ZNF423: variants seen among roughly 807,000 people sequenced by gnomAD.
ZNF423 encodes the protein Ebf-associated zinc finger protein.
In ZNF423, 12 loss-of-function variants were observed where a neutral mutation model predicts 95.8. The ratio of observed to expected loss-of-function variants is 0.13; its 90% CI spans 0.08 to 0.20. The LOEUF (loss-of-function observed/expected upper bound fraction) is 0.20. Ranked by LOEUF, ZNF423 falls within the 10% of genes least tolerant of loss-of-function variation. The probability of loss-of-function intolerance (pLI) is 1.00; values close to 1 mark genes in which losing one functional copy is unlikely to be tolerated. For missense variants in ZNF423, 1,316 were observed against 1,737.1 expected (o/e 0.76, Z 4.31); for synonymous variants, 749 against 711.9 (o/e 1.05, Z -0.83).
intron 3 of ZNF423, among the ~76,000 whole-genome samples, chr16:49,688,201 GC>G (rs904011904): frequency 2.6e-5 from 4 of 152,012 alleles, no homozygotes; most frequent in African/African-American, 7.2e-5. Context: ...AAAAAGGATT[GC>G]CCAGGGACCG....
chr16:49,524,310 G>A (rs1001290015), intron 6 of ZNF423, among the ~76,000 whole-genome samples: 13 of 152,332 alleles, frequency 8.5e-5, no homozygotes, highest in South Asian at 2.1e-4. Context: ...TGTACAAGAA[G>A]TTGCTCAACC....
intron 1 of ZNF423, among the ~76,000 whole-genome samples, chr16:49,801,724 T>A (rs755992620): frequency 6.6e-6 from 1 of 152,246 alleles, no homozygotes; most frequent in Non-Finnish European, 1.5e-5. Flanking sequence ...CAAATGACTT[T>A]GATGCGTGCT....
intron 5 of ZNF423, among the ~76,000 whole-genome samples, chr16:49,609,748 G>A (rs930382357): frequency 6.6e-6 from 1 of 151,772 alleles, no homozygotes; most frequent in Non-Finnish European, 1.5e-5. Context: ...AAAAAAAAAA[G>A]AGGGCAGGAT....
chr16:49,781,526 C>T (rs558583909), intron 2 of ZNF423, among the ~76,000 whole-genome samples: 8 of 152,238 alleles, frequency 5.3e-5, no homozygotes, highest in East Asian at 1.9e-4. Context: ...AGTGCAGAAG[C>T]GCAGGGGTGT....
intron 2 of ZNF423, among the ~76,000 whole-genome samples, chr16:49,762,495 T>C (rs548583508): frequency 6.6e-6 from 1 of 152,340 alleles, no homozygotes; most frequent in Non-Finnish European, 1.5e-5. Flanking sequence ...GGAATGACCA[T>C]GTCTGTGTCT....
chr16:49,666,800 C>T (rs1024886899), intron 3 of ZNF423, among the ~76,000 whole-genome samples: 2 of 152,138 alleles, frequency 1.3e-5, no homozygotes, highest in Non-Finnish European at 2.9e-5. Context: ...AGTTTCTCTA[C>T]GCAACTTGCC....
intron 5 of ZNF423, among the ~76,000 whole-genome samples, chr16:49,596,350 C>A (rs72622233): frequency 0.065 from 9,828 of 152,106 alleles, 540 homozygotes; most frequent in East Asian, 0.27. Flanking sequence ...CCCTGGACAG[C>A]CGGAGTAGAT....
rs193199873 is a variant in ZNF423, at chr16:49,691,559, C to T, written c.301+39212G>A. ...CATCCTGGGTAACATGGTGAAACCC[C>T]GTCTCTACTAAACATACAAAAAATT... On this transcript the variant is annotated intron_variant, in intron 3 of 7. Transcript: ENST00000563137. Among the ~76,000 whole-genome samples the T allele has an allele frequency of 3.3e-5, 5 of 152,144 alleles. No homozygotes were observed. The East Asian group carries it at 9.7e-4, about 30-fold the overall frequency.
intron 1 of ZNF423, chr16:49,854,454 G>A (rs2144135727): frequency 1.0e-6 from 1 of 985,448 alleles, no homozygotes; most frequent in Non-Finnish European, 1.2e-6. Flanking sequence ...GGGCCCCAGC[G>A]CCTTCCCGCG....
intron 1 of ZNF423, among the ~76,000 whole-genome samples, chr16:49,848,758 A>G (rs1048938744): frequency 2.6e-5 from 4 of 152,190 alleles, no homozygotes; most frequent in African/African-American, 4.8e-5. Context: ...GTGGTTCATA[A>G]TAATAACTTC....
chr16:49,629,792 G>A (rs1357751559), intron 4 of ZNF423, among the ~76,000 whole-genome samples: 2 of 152,196 alleles, frequency 1.3e-5, no homozygotes, highest in African/African-American at 4.8e-5. Context: ...GTCTATTCAG[G>A]CAGAGGTGAC....
chr16:49,522,870 C>G (rs532241275), intron 7 of ZNF423, among the ~76,000 whole-genome samples: 1 of 152,264 alleles, frequency 6.6e-6, no homozygotes, highest in East Asian at 1.9e-4. Flanking sequence ...CATGTGATCT[C>G]TCCAGTGTTG....
rs377512551 is a variant in ZNF423, at chr16:49,492,664, G to A, written c.3850-1360C>T. ...CTGCCTCCCAGCAGATGCCCACAGCGCCAAGCGACAGCCTCGTGCTCATGC... is the reference window on the plus strand; with the variant it reads ...CTGCCTCCCAGCAGATGCCCACAGCACCAAGCGACAGCCTCGTGCTCATGC... On this transcript the variant is annotated intron_variant, in intron 7 of 7. Coordinates refer to ENST00000563137, the MANE Select transcript of ZNF423 (RefSeq NM_001379286.1). This position sits in a 1 kb window ranked among gnomAD's most constrained non-coding sequence, Gnocchi z 4.2. 6.6e-6 allele frequency among the ~76,000 whole-genome samples: 1 copy of A among 152,230 alleles called. No homozygotes were observed. Among genetic ancestry groups the A allele is most frequent in the African/African-American group, 2.4e-5 (1 of 41,462 alleles).
At chr16:49,755,013 G>A (rs904795545) in intron 2 of ZNF423, among the ~76,000 whole-genome samples, 2 of 152,160 alleles carry the variant, frequency 1.3e-5, no homozygotes, top group Admixed American at 6.5e-5. Flanking sequence ...CCGCCGGTGC[G>A]GCTATCTTCC....
At chr16:49,643,455 C>T (rs747614649) in intron 3 of ZNF423, among the ~76,000 whole-genome samples, 1 of 152,110 alleles carries the variant, frequency 6.6e-6, no homozygotes, top group Non-Finnish European at 1.5e-5. Flanking sequence ...GACTGAGTGA[C>T]TTGCCCAGTG....
intron 7 of ZNF423, among the ~76,000 whole-genome samples, chr16:49,500,744 G>GAA (rs34335955): frequency 7.0e-6 from 1 of 142,942 alleles, no homozygotes; most frequent in African/African-American, 2.6e-5. Flanking sequence ...CCATCTCTAC[G>GAA]AAAAAAAAAA....
In ZNF423 at chr16:49,638,516, G is replaced by A. The variant is rs762682481; in HGVS notation, c.660C>T (p.His220=). The A allele has an allele frequency of 1.2e-6, 2 of 1,613,876 alleles. No individual in the cohort carries two copies. Among genetic ancestry groups the A allele is most frequent in the South Asian group, 1.1e-5 (1 of 91,084 alleles). ...AFSRSDHLKI[H]LKTHSSSKPF... is the part of the protein sequence containing the mutation. ...GCTTGCTGGAGCTGTGGGTCTTCAG[G>A]TGGATCTTGAGGTGGTCGCTGCGGG... Residue 220 remains histidine (H), a synonymous_variant, in exon 4 of 8, where the codon CAC becomes CAT. Coordinates refer to ENST00000563137, the MANE Select transcript of ZNF423 (RefSeq NM_001379286.1). This position sits in a 1 kb window ranked among gnomAD's most constrained non-coding sequence, Gnocchi z 5.6.
Position 49,789,565 on chromosome 16 carries a change from A to T in ZNF423, c.41-19T>A. On this transcript the variant is annotated intron_variant, in intron 1 of 7. Transcript: ENST00000563137. ...TCTTCAACTGAAAGAGAGAACAGAGATGGGCCTGTGAGTTTGAAGGCTGTA... is the reference window on the plus strand; with the variant it reads ...TCTTCAACTGAAAGAGAGAACAGAGTTGGGCCTGTGAGTTTGAAGGCTGTA... The T allele has an allele frequency of 1.2e-6, 2 of 1,610,040 alleles. No homozygotes were observed. Among genetic ancestry groups the T allele is most frequent in the Non-Finnish European group, 1.7e-6 (2 of 1,178,918 alleles).
Position 49,637,922 on chromosome 16 carries a change from G to C in ZNF423, c.1254C>G (p.Ser418Arg). The part of the protein sequence containing the change: ...DGQGWTKVVY[S>R]CPYCSKRDFN... ...AGTCCCGCTTGGAACAATAGGGGCA[G>C]CTATAGACCACCTTGGTCCAGCCCT... Residue 418 changes from serine to arginine, a missense_variant, in exon 4 of 8, where the codon AGC (serine) becomes AGG (arginine). Coordinates refer to ENST00000563137, the MANE Select transcript of ZNF423 (RefSeq NM_001379286.1). The surrounding 1 kb of genome is among the most constrained non-coding windows in gnomAD (Gnocchi z 5.6). The C allele has an allele frequency of 6.2e-7, 1 of 1,614,192 alleles. No individual in the cohort carries two copies. The highest frequency in any genetic ancestry group is 8.5e-7 in the Non-Finnish European group (1 of 1,180,044).
Sources: allele counts gnomAD v4.1 joint callset (sites outside exome capture counted in the v4.1 genomes callset), GRCh38; gene constraint gnomAD v4.1.1; non-coding constraint Gnocchi (gnomAD v3.1); transcripts MANE v1.5; gene names NCBI Gene and HGNC (gene_info 2026-07-23, HGNC 2026-07-21).